The following ESRP2 variants were observed in gnomAD, a reference collection of about 807,000 sequenced individuals.
ESRP2 encodes the protein RNA binding motif protein 35A.
In ESRP2, 48 loss-of-function variants were observed where a neutral mutation model predicts 78.6. The ratio of observed to expected loss-of-function variants is 0.61; its 90% CI spans 0.48 to 0.78. The LOEUF (loss-of-function observed/expected upper bound fraction) is 0.78. Among genes scored for constraint, ESRP2 ranks in the 30% least tolerant of loss-of-function variants. The probability of loss-of-function intolerance (pLI) is 0.00; values close to 1 mark genes in which losing one functional copy is unlikely to be tolerated. For synonymous variants in ESRP2, 383 were observed against 406.7 expected (o/e 0.94, Z 0.70); for missense variants, 863 against 965.9 (o/e 0.89, Z 1.41).
Position 68,235,370 on chromosome 16 carries a change from A to G in ESRP2, c.327+264T>C. On this transcript the variant is annotated intron_variant, in intron 2 of 14. Transcript: ENST00000473183. The surrounding 1 kb of genome is among the most constrained non-coding windows in gnomAD (Gnocchi z 5.5). ...CTCGCTCCCCGGGCGGGAACTGGGGATGGATCCCAAAGCCTGCGTCCCGAT... is the reference window on the plus strand; with the variant it reads ...CTCGCTCCCCGGGCGGGAACTGGGGGTGGATCCCAAAGCCTGCGTCCCGAT... 1.0e-6 allele frequency: 1 copy of G among 985,340 alleles called. No homozygotes were observed. Among genetic ancestry groups the G allele is most frequent in the Non-Finnish European group, 1.2e-6 (1 of 829,914 alleles). 61.0% of individuals were successfully genotyped at this position (985,340 alleles called of 1,614,324 possible). A position where few individuals can be genotyped will look rare whatever the true frequency, so the allele number is the denominator to read the frequency against.
In ESRP2 at chr16:68,230,269, G is replaced by T; in HGVS notation, c.2111C>A (p.Pro704His). The T allele has an allele frequency of 6.2e-7, 1 of 1,614,216 alleles. No homozygotes were observed. The highest frequency in any genetic ancestry group is 8.5e-7 in the Non-Finnish European group (1 of 1,180,042). The change falls in exon 15 of 15, where the codon CCT (proline) becomes CAT (histidine). Residue 704 changes from proline (P) to histidine (H), a missense_variant. Physicochemically the swap from Pro to His is moderately conservative, Grantham distance 77. Transcript: ENST00000473183. ...YTSLMPVGDP[P>H]RTVLQAPKEW... ...CTTGGGGGCTTGTAACACAGTGCGA[G>T]GTGGGTCACCAACAGGCATCAGACT...
Position 68,230,157 on chromosome 16 carries a change from G to A in ESRP2, c.*69C>T, listed in dbSNP as rs2042106238. On this transcript the variant is annotated 3_prime_UTR_variant, in exon 15 of 15. Coordinates refer to ENST00000473183, the MANE Select transcript of ESRP2 (RefSeq NM_024939.3). ...AGAAGCTACCAGGTTGAGGGTGCTG[G>A]TCTTCTGGACTCAGGAGAGACATGT... 3 of 1,447,206 alleles carry A rather than the reference G, an allele frequency of 2.1e-6. No individual in the cohort carries two copies. The highest frequency in any genetic ancestry group is 2.8e-5 in the African/African-American group (2 of 71,540). 89.6% of individuals were successfully genotyped at this position (1,447,206 alleles called of 1,614,324 possible).
At position 68,231,214 on chromosome 16, in the gene ESRP2, G is replaced by C. The variant is rs370690332; in HGVS notation, c.1675C>G (p.Arg559Gly). ...SRVLMGGTLG[R>G]SGMSPPPCKL... ...CAGGGTGGAGGGGACATGCCACTGC[G>C]GCCCAAGGTGCCCCCCATCAGCACT... Residue 559 changes from arginine to glycine, a missense_variant, in exon 12 of 15, where the codon CGC (arginine) becomes GGC (glycine). Arg to Gly is a moderately radical substitution (Grantham distance 125). Transcript: ENST00000473183. This position sits in a 1 kb window ranked among gnomAD's most constrained non-coding sequence, Gnocchi z 6.0. 1 of 1,613,656 alleles carries C rather than the reference G, an allele frequency of 6.2e-7. No homozygotes were observed. The highest frequency in any genetic ancestry group is 1.7e-5 in the Admixed American group (1 of 60,022).
At chr16:68,234,133 A>C (rs914388333) in intron 2 of ESRP2, 26 bp from the exon 3 acceptor site, 12 of 1,545,154 alleles carry the variant, frequency 7.8e-6, no homozygotes, top group Non-Finnish European at 9.7e-6. Flanking sequence ...GGGGAGAGAG[A>C]AACACACAGA....
In ESRP2 at chr16:68,235,489, A is replaced by C; in HGVS notation, c.327+145T>G. On this transcript the variant is annotated intron_variant, in intron 2 of 14. Coordinates refer to ENST00000473183, the MANE Select transcript of ESRP2 (RefSeq NM_024939.3). This position sits in a 1 kb window ranked among gnomAD's most constrained non-coding sequence, Gnocchi z 5.5. Reference sequence around the variant, plus strand: ...CGGATGAAAGGGGCACGCACACGCGAGAGTCGCTCAAAGTTTCAAACAAGA... The same window carrying C: ...CGGATGAAAGGGGCACGCACACGCGCGAGTCGCTCAAAGTTTCAAACAAGA... 6.9e-7 allele frequency: 1 copy of C among 1,446,854 alleles called. No individual in the cohort carries two copies. The highest frequency in any genetic ancestry group is 1.4e-5 in the African/African-American group (1 of 69,774). The allele number at this position is 1,446,854 out of a possible 1,614,324, so 89.6% of individuals were successfully genotyped here.
rs1200995348 is a variant in ESRP2, at chr16:68,232,059, C to T, written c.1042G>A (p.Val348Met). ...VARFLSREDQ[V>M]ILRLRGLPFS... ...GGCAGTCCCCGCAGCCGCAGGATCA[C>T]TTGGTCTTCCCGTGACAAGAAACGA... Residue 348 changes from valine (V) to methionine (M), a missense_variant, in exon 10 of 15, where the codon GTG (valine) becomes ATG (methionine). Coordinates refer to ENST00000473183, the MANE Select transcript of ESRP2 (RefSeq NM_024939.3). This position sits in a 1 kb window ranked among gnomAD's most constrained non-coding sequence, Gnocchi z 5.2. 1 of 1,613,914 alleles carries T rather than the reference C, an allele frequency of 6.2e-7. No homozygotes were observed. The highest frequency in any genetic ancestry group is 1.7e-5 in the Admixed American group (1 of 60,018).
At position 68,233,364 on chromosome 16, in the gene ESRP2, C is replaced by T. The variant is rs1237927983; in HGVS notation, c.618G>A (p.Met206Ile). The T allele has an allele frequency of 1.2e-6, 2 of 1,614,114 alleles. No individual in the cohort carries two copies. Among genetic ancestry groups the T allele is most frequent in the Non-Finnish European group, 1.7e-6 (2 of 1,179,990 alleles). The change falls in exon 5 of 15, where the codon ATG becomes ATA. Residue 206 changes from methionine to isoleucine, a missense_variant. Physicochemically the swap from Met to Ile is conservative, Grantham distance 10. Coordinates refer to ENST00000473183, the MANE Select transcript of ESRP2 (RefSeq NM_024939.3). ...DDFGVWEVKT[M>I]VAVILHLLKE... ...TGAGTAGATGGAGGATAACAGCTAC[C>T]ATTGTCTTGACTTCCCAGACCCCAA...
chr16:68,231,192 G>C lies in ESRP2; in HGVS notation c.1697C>G (p.Pro566Arg), dbSNP rs1349233707. Residue 566 changes from proline (P) to arginine (R), a missense_variant, in exon 12 of 15, where the codon CCC (proline) becomes CGC (arginine). Physicochemically the swap from Pro to Arg is moderately radical, Grantham distance 103. Transcript: ENST00000473183. This position sits in a 1 kb window ranked among gnomAD's most constrained non-coding sequence, Gnocchi z 6.0. ...TLGRSGMSPP[P>R]CKLPCLSPPT... Reference sequence around the variant, plus strand: ...AGGGCACTCACAGGGCAGCTTGCAGGGTGGAGGGGACATGCCACTGCGGCC... The same window carrying C: ...AGGGCACTCACAGGGCAGCTTGCAGCGTGGAGGGGACATGCCACTGCGGCC... The C allele has an allele frequency of 1.9e-6, 3 of 1,613,256 alleles. No individual in the cohort carries two copies. The highest frequency in any genetic ancestry group is 2.5e-6 in the Non-Finnish European group (3 of 1,179,958).
In ESRP2 at chr16:68,235,546, C is replaced by T. The variant is rs946788193; in HGVS notation, c.327+88G>A. 1 of 1,538,260 alleles carries T rather than the reference C, an allele frequency of 6.5e-7. No individual in the cohort carries two copies. Among genetic ancestry groups the T allele is most frequent in the East Asian group, 2.3e-5 (1 of 42,568 alleles). ...TCCTGCCGCCTGGACCGGTTGGTTG[C>T]GGCACGCCAGGCCTAGCCTCCGGCC... On this transcript the variant is annotated intron_variant, in intron 2 of 14. Transcript: ENST00000473183. This position sits in a 1 kb window ranked among gnomAD's most constrained non-coding sequence, Gnocchi z 5.5.
chr16:68,235,962 TC>T lies in ESRP2; in HGVS notation c.83del (p.Gly28AspfsTer25), dbSNP rs752098362. On this transcript the variant is annotated frameshift_variant, in exon 1 of 15. Transcript: ENST00000473183. LOFTEE classifies it high-confidence loss of function. This position sits in a 1 kb window ranked among gnomAD's most constrained non-coding sequence, Gnocchi z 5.5. ...DPAADPCPWP[G>X]SLVVLFGATA... is the part of the protein sequence containing the mutation. The stretch of plus-strand genomic sequence containing the variant: ...TAGCCCCGAAGAGGACGACCAGTGA[TC>T]CGGGCCAGGGGCAGGGGTCCGCGGC... The T allele has an allele frequency of 1.2e-6, 2 of 1,609,746 alleles. No individual in the cohort carries two copies. The highest frequency in any genetic ancestry group is 1.7e-6 in the Non-Finnish European group (2 of 1,178,858).
intron 5 of ESRP2, 65 bp downstream of exon 5, chr16:68,233,262 T>G (rs1288514525): frequency 9.2e-7 from 1 of 1,086,118 alleles, no homozygotes; most frequent in East Asian, 2.4e-5. Flanking sequence ...AAGGTCACAG[T>G]GGGGAGGAGC....
chr16:68,233,010 C>G (rs1256447891), intron 5 of ESRP2, among the ~76,000 whole-genome samples, 195 bp from the exon 6 acceptor site: 2 of 152,104 alleles, frequency 1.3e-5, no homozygotes, highest in African/African-American at 2.4e-5. Flanking sequence ...ACCAGCCTGG[C>G]CAACATGGTG....
Position 68,232,542 on chromosome 16 carries a change from T to C in ESRP2, c.821+35A>G. ...GCTGTTAGTGCCTCCTGGGTAGGCC[T>C]GTCCAATTGGGCCCACCCACCCTGC... On this transcript the variant is annotated intron_variant, in intron 7 of 14. Coordinates refer to ENST00000473183, the MANE Select transcript of ESRP2 (RefSeq NM_024939.3). This position sits in a 1 kb window ranked among gnomAD's most constrained non-coding sequence, Gnocchi z 5.2. 2 of 1,614,104 alleles carry C rather than the reference T, an allele frequency of 1.2e-6. No homozygotes were observed. The highest frequency in any genetic ancestry group is 1.7e-6 in the Non-Finnish European group (2 of 1,180,012).
At position 68,236,001 on chromosome 16, in the gene ESRP2, G is replaced by C; in HGVS notation, c.45C>G (p.Pro15=). The C allele has an allele frequency of 8.3e-6, 13 of 1,559,888 alleles. No individual in the cohort carries two copies. Among genetic ancestry groups the C allele is most frequent in the Non-Finnish European group, 1.0e-5 (12 of 1,155,952 alleles). Residue 15 remains proline, a synonymous_variant, in exon 1 of 15, where the codon CCC becomes CCG. Coordinates refer to ENST00000473183, the MANE Select transcript of ESRP2 (RefSeq NM_024939.3). The surrounding 1 kb of genome is among the most constrained non-coding windows in gnomAD (Gnocchi z 5.2). The part of the protein sequence containing the change: ...PPPPPPPGPD[P]AADPAADPCP... ...AGGGGTCCGCGGCGGGGTCGGCCGC[G>C]GGGTCAGGGCCCGGGGGAGGGGGCG...
At position 68,235,384 on chromosome 16, in the gene ESRP2, C is replaced by G; in HGVS notation, c.327+250G>C. On this transcript the variant is annotated intron_variant, in intron 2 of 14. Transcript: ENST00000473183. The surrounding 1 kb of genome is among the most constrained non-coding windows in gnomAD (Gnocchi z 5.5). ...GGGAACTGGGGATGGATCCCAAAGCCTGCGTCCCGATCCCTTCGGTAGGAG... is the reference window on the plus strand; with the variant it reads ...GGGAACTGGGGATGGATCCCAAAGCGTGCGTCCCGATCCCTTCGGTAGGAG... 1.0e-6 allele frequency: 1 copy of G among 985,490 alleles called. No individual in the cohort carries two copies. The highest frequency in any genetic ancestry group is 1.2e-6 in the Non-Finnish European group (1 of 829,940). The allele number at this position is 985,490 out of a possible 1,614,324, so 61.0% of individuals were successfully genotyped here. A position where few individuals can be genotyped will look rare whatever the true frequency, so the allele number is the denominator to read the frequency against.
Position 68,232,555 on chromosome 16 carries a change from CCACCCACCCTGCCA to C in ESRP2, c.821+8_821+21del. 6.2e-7 allele frequency: 1 copy of C among 1,614,050 alleles called. No individual in the cohort carries two copies. The highest frequency in any genetic ancestry group is 1.1e-5 in the South Asian group (1 of 91,072). ...CCTGGGTAGGCCTGTCCAATTGGGC[CCACCCACCCTGCCA>C]CACCCACCTGGCCACGTTGAGCCCT... On this transcript the variant is annotated splice_region_variant and intron_variant, in intron 7 of 14. Transcript: ENST00000473183. This position sits in a 1 kb window ranked among gnomAD's most constrained non-coding sequence, Gnocchi z 5.2.
At position 68,232,039 on chromosome 16, in the gene ESRP2, TC is replaced by T; in HGVS notation, c.1061del (p.Gly354AspfsTer21). ...REDQVILRLR[G>X]LPFSAGPTDV... ...CCGTTGGCCCAGCCGAGAAGGGCAG[TC>T]CCCGCAGCCGCAGGATCACTTGGTC... On this transcript the variant is annotated frameshift_variant, in exon 10 of 15. Coordinates refer to ENST00000473183, the MANE Select transcript of ESRP2 (RefSeq NM_024939.3). LOFTEE classifies it high-confidence loss of function. This position sits in a 1 kb window ranked among gnomAD's most constrained non-coding sequence, Gnocchi z 5.2. 6.2e-7 allele frequency: 1 copy of T among 1,613,834 alleles called. No individual in the cohort carries two copies. The highest frequency in any genetic ancestry group is 8.5e-7 in the Non-Finnish European group (1 of 1,179,936).
Position 68,233,818 on chromosome 16 carries a change from T to G in ESRP2, c.506A>C (p.His169Pro). 6.2e-7 allele frequency: 1 copy of G among 1,614,088 alleles called. No individual in the cohort carries two copies. The highest frequency in any genetic ancestry group is 8.5e-7 in the Non-Finnish European group (1 of 1,180,008). The change falls in exon 4 of 15, where the codon CAT becomes CCT. Residue 169 changes from histidine to proline, a missense_variant. By Grantham distance (77) the His-to-Pro change is moderately conservative. Coordinates refer to ENST00000473183, the MANE Select transcript of ESRP2 (RefSeq NM_024939.3). ...GTCCCTGGCAGGGCAGGTGCTTGGA[T>G]GCTGCATATGGAATTCTCTTCGGAG... Reference protein sequence around the residue: ...YDLRREFHMQHPSTCPARDLT... With the variant: ...YDLRREFHMQPPSTCPARDLT...
chr16:68,231,036 G>A lies in ESRP2; in HGVS notation c.1712-9C>T, dbSNP rs375171498. 14 of 1,588,252 alleles carry A rather than the reference G, an allele frequency of 8.8e-6. No individual in the cohort carries two copies. The highest frequency in any genetic ancestry group is 4.5e-5 in the East Asian group (2 of 44,684). ...GGTAGGTGGTGAGAGGCCTAGAGAC[G>A]GAAGTAGAAAGTGCATGTGCACGGA... On this transcript the variant is annotated splice_polypyrimidine_tract_variant and intron_variant, in intron 12 of 14. Coordinates refer to ENST00000473183, the MANE Select transcript of ESRP2 (RefSeq NM_024939.3). The surrounding 1 kb of genome is among the most constrained non-coding windows in gnomAD (Gnocchi z 6.0).
Sources: gnomAD v4.1 joint callset for allele counts (sites outside exome capture counted in the v4.1 genomes callset) on GRCh38, gnomAD v4.1.1 for gene constraint, Gnocchi (gnomAD v3.1) non-coding constraint, MANE v1.5 for transcripts, NCBI Gene and HGNC (gene_info 2026-07-23, HGNC 2026-07-21) for gene names.